Variants in C9orf153 observed in about 807,000 individuals in gnomAD.
The protein encoded by C9orf153 is chromosome 9 open reading frame 153.
Under a neutral mutation model 9.0 loss-of-function variants are expected in C9orf153, and 10 were observed. The ratio of observed to expected loss-of-function variants is 1.11; its 90% CI spans 0.69 to 1.89. The LOEUF is 1.89. Among genes scored for constraint, C9orf153 ranks in the 40% most tolerant of loss-of-function variants. The probability of loss-of-function intolerance (pLI) is 0.00; values close to 1 mark genes in which losing one functional copy is unlikely to be tolerated. For synonymous variants in C9orf153, 35 were observed against 37.3 expected, an observed-to-expected ratio of 0.94 and a Z score of 0.23; for missense variants, 108 against 111.0, an observed-to-expected ratio of 0.97 and a Z score of 0.12.
chr9:86,244,292 T>TC (rs2131197318), intron 1 of C9orf153, among the ~76,000 whole-genome samples: 1 of 152,322 alleles, frequency 6.6e-6, no homozygotes, highest in South Asian at 2.1e-4. Flanking sequence ...CCAGCTGGTC[T>TC]CCAACTCTTG....
In C9orf153 at chr9:86,220,407, A is replaced by G. The variant is rs1453493126; in HGVS notation, c.*1281T>C. 6.6e-6 allele frequency: 1 copy of G among 152,144 alleles called. No individual in the cohort carries two copies. The highest frequency in any genetic ancestry group is 1.5e-5 in the Non-Finnish European group (1 of 68,040). The allele number at this position is 152,144 out of a possible 1,614,324, so 9.4% of individuals were successfully genotyped here. A position where few individuals can be genotyped will look rare whatever the true frequency, so the allele number is the denominator to read the frequency against. On this transcript the variant is annotated 3_prime_UTR_variant, in exon 4 of 4. Coordinates refer to ENST00000339137, the MANE Select transcript of C9orf153 (RefSeq NM_001276366.4). ...GTTTTTTTTAAGCAAGGGATTATGGATAGTAAACATTTTTAGGCCCATGTA... is the reference window on the plus strand; with the variant it reads ...GTTTTTTTTAAGCAAGGGATTATGGGTAGTAAACATTTTTAGGCCCATGTA...
At chr9:86,250,404 T>A (rs765993223) in intron 1 of C9orf153, among the ~76,000 whole-genome samples, 1 of 152,116 alleles carries the variant, frequency 6.6e-6, no homozygotes, top group Non-Finnish European at 1.5e-5. Flanking sequence ...ATGGGAAAGG[T>A]CACAGAGGCC....
chr9:86,220,520 G>T lies in C9orf153; in HGVS notation c.*1168C>A, dbSNP rs1389920744. ...CAGACAGCTATTTTCCTTCAGCATT[G>T]TAAGTATATGACACTATTGTCCTCT... On this transcript the variant is annotated 3_prime_UTR_variant, in exon 4 of 4. Transcript: ENST00000339137. 1 of 152,120 alleles carries T rather than the reference G, an allele frequency of 6.6e-6. No individual in the cohort carries two copies. The highest frequency in any genetic ancestry group is 2.4e-5 in the African/African-American group (1 of 41,420). The allele number at this position is 152,120 out of a possible 1,614,324, so 9.4% of individuals were successfully genotyped here. A position where few individuals can be genotyped will look rare whatever the true frequency, so the allele number is the denominator to read the frequency against.
rs79273026 is a variant in C9orf153 at position 86,223,591 on chromosome 9, T to A, written c.243-1858A>T. Among the ~76,000 whole-genome samples, 314 of 152,242 alleles carry A rather than the reference T, an allele frequency of 2.1e-3. 8 individuals carry two copies. The East Asian group carries it at 0.056, about 27-fold the overall frequency. On this transcript the variant is annotated intron_variant, in intron 3 of 3. Transcript: ENST00000339137. Reference sequence around the variant, plus strand: ...TGCTATAGAGGGGGGAGCTAAGAACTCTTATTCACCAGCCTTCCCTACAGG... The same window carrying A: ...TGCTATAGAGGGGGGAGCTAAGAACACTTATTCACCAGCCTTCCCTACAGG...
At chr9:86,255,956 T>C (rs1221549985) in intron 1 of C9orf153, among the ~76,000 whole-genome samples, 2 of 152,204 alleles carry the variant, frequency 1.3e-5, no homozygotes, top group Non-Finnish European at 2.9e-5. Flanking sequence ...AACACGTTTT[T>C]CAGATGTTCA....
chr9:86,248,182 G>A (rs2131201482), intron 1 of C9orf153, among the ~76,000 whole-genome samples: 1 of 152,232 alleles, frequency 6.6e-6, no homozygotes, highest in East Asian at 1.9e-4. Flanking sequence ...TGCCCAGGCT[G>A]GAGTGCAGTG....
At chr9:86,253,452 T>C (rs575700815) in intron 1 of C9orf153, among the ~76,000 whole-genome samples, 8 of 152,214 alleles carry the variant, frequency 5.3e-5, no homozygotes, top group Non-Finnish European at 8.8e-5. Context: ...CAGGCACAGT[T>C]TGATGGTGAA....
intron 3 of C9orf153, chr9:86,227,453 G>T: frequency 1.4e-6 from 2 of 1,438,502 alleles, no homozygotes; most frequent in Non-Finnish European, 1.8e-6. Context: ...CAAAATTGCT[G>T]TAGGTCAGTA....
At chr9:86,256,738 G>A (rs1429300039) in intron 1 of C9orf153, among the ~76,000 whole-genome samples, 2 of 152,124 alleles carry the variant, frequency 1.3e-5, no homozygotes, top group Non-Finnish European at 2.9e-5. Flanking sequence ...TTCTTCTATT[G>A]CCTATAGTTT....
chr9:86,236,425 T>C (rs1327817266), intron 1 of C9orf153, among the ~76,000 whole-genome samples: 2 of 151,736 alleles, frequency 1.3e-5, no homozygotes, highest in Non-Finnish European at 2.9e-5. Context: ...GGCGTGCATC[T>C]GTAATCCCAG....
chr9:86,251,393 AAC>A (rs1340433703), intron 1 of C9orf153, among the ~76,000 whole-genome samples: 1 of 152,192 alleles, frequency 6.6e-6, no homozygotes, highest in East Asian at 1.9e-4. Flanking sequence ...GTATGTGACT[AAC>A]AGTTAAAATT....
intron 3 of C9orf153, among the ~76,000 whole-genome samples, chr9:86,226,220 A>G (rs1448290226): frequency 1.3e-5 from 2 of 152,284 alleles, no homozygotes; most frequent in Admixed American, 1.3e-4. Context: ...TAAGATGTCA[A>G]TGTAGGGAGT....
chr9:86,224,763 T>C (rs1245030333), intron 3 of C9orf153, among the ~76,000 whole-genome samples: 1 of 88,728 alleles, frequency 1.1e-5, no homozygotes, highest in South Asian at 3.6e-4. Context: ...CCGTCTCTAC[T>C]AAAAATACAA....
intron 1 of C9orf153, among the ~76,000 whole-genome samples, chr9:86,245,030 G>A (rs1419883526): frequency 6.6e-6 from 1 of 152,112 alleles, no homozygotes; most frequent in Non-Finnish European, 1.5e-5. Flanking sequence ...AGGTTCAAGG[G>A]ATTTTCCTGC....
At chr9:86,222,802 C>A (rs1244013307) in intron 3 of C9orf153, among the ~76,000 whole-genome samples, 1 of 152,244 alleles carries the variant, frequency 6.6e-6, no homozygotes. Context: ...AGCAGACAAG[C>A]AGGATGACTG....
intron 1 of C9orf153, among the ~76,000 whole-genome samples, chr9:86,244,837 T>C (rs1308034542): frequency 6.6e-6 from 1 of 152,240 alleles, no homozygotes; most frequent in Non-Finnish European, 1.5e-5. Flanking sequence ...CACATGTGCA[T>C]GTATCCCTGA....
chr9:86,248,487 A>G (rs1254831178), intron 1 of C9orf153, among the ~76,000 whole-genome samples: 1 of 152,152 alleles, frequency 6.6e-6, no homozygotes, highest in Non-Finnish European at 1.5e-5. Flanking sequence ...GGTTTGTTAC[A>G]TGAGTTAATT....
At chr9:86,255,055 GCTGT>G (rs1313495280) in intron 1 of C9orf153, among the ~76,000 whole-genome samples, 2 of 140,950 alleles carry the variant, frequency 1.4e-5, no homozygotes, top group Non-Finnish European at 3.1e-5. Context: ...ACAGTGAGAC[GCTGT>G]CTCAGAAAAA....
chr9:86,244,357 A>G (rs1824819439), intron 1 of C9orf153, among the ~76,000 whole-genome samples: 1 of 152,108 alleles, frequency 6.6e-6, no homozygotes, highest in Non-Finnish European at 1.5e-5. Context: ...TACAGATGTG[A>G]GCCATTATGT....
Sources: allele counts gnomAD v4.1 joint callset (sites outside exome capture counted in the v4.1 genomes callset), GRCh38; gene constraint gnomAD v4.1.1; transcripts MANE v1.5; gene names NCBI Gene and HGNC (gene_info 2026-07-23, HGNC 2026-07-21).